Variants in AHCY observed in about 807,000 individuals in gnomAD.
AHCY encodes S-adenosyl-L-homocysteine hydrolase.
A neutral mutation model predicts 45.4 loss-of-function variants in AHCY; 24 were observed. The ratio of observed to expected loss-of-function variants is 0.53; its 90% confidence interval spans 0.38 to 0.74. The LOEUF (loss-of-function observed/expected upper bound fraction) is 0.74. Ranked by LOEUF, AHCY falls within the 30% of genes least tolerant of loss-of-function variation. The pLI is 0.00. For synonymous variants in AHCY, 245 were observed against 235.1 expected (o/e 1.04, Z -0.39); for missense variants, 449 against 594.1 (o/e 0.76, Z 2.54).
the AHCY span, among the ~76,000 whole-genome samples, chr20:34,259,926 TCTCA>T: frequency 2.3e-4 from 35 of 152,196 alleles, no homozygotes; most frequent in South Asian, 6.8e-3. Context: ...TCTTCATCTT[TCTCA>T]CTGAGACTTA....
the AHCY span, among the ~76,000 whole-genome samples, chr20:34,274,170 G>C: frequency 1.3e-5 from 2 of 152,198 alleles, no homozygotes; most frequent in East Asian, 1.9e-4. Flanking sequence ...CTCGAGGCCT[G>C]TGTGGTCTGC....
Position 34,290,462 on chromosome 20 carries a change from C to T in AHCY, c.855-13G>A, listed in dbSNP as rs762003087. 2 of 1,614,028 alleles carry T rather than the reference C, an allele frequency of 1.2e-6. No homozygotes were observed. ...CTGCTCAAAGTGCCTGTCAGGCAGC[C>T]CAAGACCGTGGGAGATTGTCAGGGA... On this transcript the variant is annotated splice_polypyrimidine_tract_variant and intron_variant, in intron 7 of 9. Coordinates refer to ENST00000217426, the MANE Select transcript of AHCY (RefSeq NM_000687.4). This position sits in a 1 kb window ranked among gnomAD's most constrained non-coding sequence, Gnocchi z 4.5.
At chr20:34,272,091 G>A in the AHCY span, among the ~76,000 whole-genome samples, 197 of 151,684 alleles carry the variant, frequency 1.3e-3, no homozygotes, top group Non-Finnish European at 2.1e-3. Flanking sequence ...GGAGCCAAGC[G>A]GACAATGTCT....
intron 8 of AHCY, among the ~76,000 whole-genome samples, chr20:34,288,840 T>TA (rs2036273055): frequency 6.6e-6 from 1 of 152,044 alleles, no homozygotes; most frequent in South Asian, 2.1e-4. Context: ...GAGAAAAAAA[T>TA]AAACTCATAA....
In AHCY at chr20:34,294,266, T is replaced by C. The variant is rs143282302; in HGVS notation, c.220-110A>G. On this transcript the variant is annotated intron_variant, in intron 2 of 9. Transcript: ENST00000217426. ...GGGTAGTGGGGAGAGGCTTGGGATCTAGGCACAGCAAGCTCTAGGATCACA... is the reference window on the plus strand; with the variant it reads ...GGGTAGTGGGGAGAGGCTTGGGATCCAGGCACAGCAAGCTCTAGGATCACA... The C allele has an allele frequency of 8.5e-4, 820 of 967,730 alleles. 8 individuals are homozygous for C. The highest frequency in any genetic ancestry group is 7.0e-5 in the Non-Finnish European group (43 of 615,406). The allele number at this position is 967,730 out of a possible 1,614,324, so 59.9% of individuals were successfully genotyped here. A position where few individuals can be genotyped will look rare whatever the true frequency, so the allele number is the denominator to read the frequency against.
chr20:34,291,561 G>C, intron 4 of AHCY, 30 bp from the exon 5 acceptor site: 2 of 1,575,378 alleles, frequency 1.3e-6, no homozygotes, highest in Non-Finnish European at 1.7e-6. Flanking sequence ...ACAAGCCTCA[G>C]AGATGCCACA....
chr20:34,295,676 G>A, intron 1 of AHCY, 91 bp from the exon 2 acceptor site: 2 of 1,301,860 alleles, frequency 1.5e-6, no homozygotes, highest in Non-Finnish European at 1.1e-6. Flanking sequence ...TCCACGTGTG[G>A]ACTCAACACA....
At chr20:34,245,668 C>T in the AHCY span, among the ~76,000 whole-genome samples, 4 of 152,066 alleles carry the variant, frequency 2.6e-5, no homozygotes, top group South Asian at 2.1e-4. Flanking sequence ...GGATTACAGG[C>T]GTGAGCCACC....
chr20:34,268,762 A>C, the AHCY span, among the ~76,000 whole-genome samples: 1 of 151,730 alleles, frequency 6.6e-6, no homozygotes, highest in Non-Finnish European at 1.5e-5. Flanking sequence ...AACAAACAAA[A>C]AAAACACAAA....
At chr20:34,234,459 A>G in the AHCY span, among the ~76,000 whole-genome samples, 1 of 152,104 alleles carries the variant, frequency 6.6e-6, no homozygotes, top group African/African-American at 2.4e-5. Context: ...GGGCGCTATC[A>G]GCTTTCTTTC....
At chr20:34,275,616 A>G (rs1298416819), downstream of AHCY, among the ~76,000 whole-genome samples, 4 of 151,904 alleles carry the variant, frequency 2.6e-5, no homozygotes, top group Non-Finnish European at 1.5e-5. Flanking sequence ...ACATGTCTAG[A>G]TTCAGCTACT....
intron 8 of AHCY, among the ~76,000 whole-genome samples, chr20:34,289,205 G>A (rs1259744454): frequency 2.6e-5 from 4 of 151,804 alleles, no homozygotes; most frequent in South Asian, 2.1e-4. Context: ...ACAGAGTCTC[G>A]CACTGTCACC....
At chr20:34,254,211 C>A in the AHCY span, among the ~76,000 whole-genome samples, 1 of 152,130 alleles carries the variant, frequency 6.6e-6, no homozygotes, top group Non-Finnish European at 1.5e-5. Context: ...TACAGGCATG[C>A]GCCACCACAC....
intron 1 of AHCY, among the ~76,000 whole-genome samples, chr20:34,309,404 C>T (rs961941449): frequency 2.0e-5 from 3 of 152,150 alleles, no homozygotes; most frequent in African/African-American, 4.8e-5. Flanking sequence ...AGTTTTGGTG[C>T]GCCCTGTAAC....
the AHCY span, among the ~76,000 whole-genome samples, chr20:34,235,266 C>A: frequency 6.6e-6 from 1 of 152,172 alleles, no homozygotes; most frequent in Non-Finnish European, 1.5e-5. Flanking sequence ...ATTGTGAAAC[C>A]CCGTCTCTAC....
At chr20:34,302,490 T>C in intron 1 of AHCY, 1 of 618,148 alleles carries the variant, frequency 1.6e-6, no homozygotes, top group Non-Finnish European at 2.0e-6. Flanking sequence ...AAGTTACCTC[T>C]GCCTCAGGAT....
At chr20:34,269,101 C>A in the AHCY span, 1 of 1,567,382 alleles carries the variant, frequency 6.4e-7, no homozygotes, top group Non-Finnish European at 8.6e-7. Flanking sequence ...GCGACCCGTG[C>A]GCCTCCTGCC....
chr20:34,256,880 A>G, the AHCY span, among the ~76,000 whole-genome samples: 2 of 152,108 alleles, frequency 1.3e-5, no homozygotes, highest in Admixed American at 6.6e-5. Context: ...TCCTGGGGTC[A>G]GGTGATTCTC....
At chr20:34,294,920 C>T (rs1209885843) in intron 2 of AHCY, among the ~76,000 whole-genome samples, 2 of 152,166 alleles carry the variant, frequency 1.3e-5, no homozygotes, top group Non-Finnish European at 2.9e-5. Flanking sequence ...GATTTTGGCT[C>T]CATTGCCCTA....
Sources: gnomAD v4.1 joint callset for allele counts (sites outside exome capture counted in the v4.1 genomes callset) on GRCh38, gnomAD v4.1.1 for gene constraint, Gnocchi (gnomAD v3.1) non-coding constraint, MANE v1.5 for transcripts, NCBI Gene and HGNC (gene_info 2026-07-23, HGNC 2026-07-21) for gene names.